Variants in GPHN observed in about 807,000 individuals in gnomAD.
GPHN encodes the protein gephyrin.
GPHN carries 17 observed loss-of-function variants against 95.5 expected under a neutral mutation model. That is an observed-to-expected ratio of 0.18 (90% CI 0.12 to 0.27). The LOEUF (loss-of-function observed/expected upper bound fraction) is 0.27, where lower values mean the gene tolerates loss of function less well. GPHN is among the 10% of genes least tolerant of loss of function. The pLI is 1.00. For missense variants in GPHN, 660 were observed against 978.1 expected (o/e 0.67, Z 4.34); for synonymous variants, 320 against 322.5 (o/e 0.99, Z 0.08).
rs2058071848 is a variant in GPHN, at chr14:66,512,369, G to A, written c.64+3778G>A. On this transcript the variant is annotated intron_variant, in intron 1 of 22. Transcript: ENST00000478722. ...AAAATAATGACTACATGTATGTATA[G>A]AATGTAGAATCATATAGATTATTCC... Among the ~76,000 whole-genome samples the A allele has an allele frequency of 2.6e-5, 4 of 151,898 alleles. No homozygotes were observed. The South Asian group carries it at 6.2e-4, about 24-fold the overall frequency.
the GPHN span, among the ~76,000 whole-genome samples, chr14:67,497,783 C>T: frequency 6.6e-6 from 1 of 151,602 alleles, no homozygotes; most frequent in African/African-American, 2.4e-5. Flanking sequence ...CCAGCAGCAC[C>T]TCTCCTGGTA....
chr14:67,015,706 A>G (rs2073268740), intron 9 of GPHN, among the ~76,000 whole-genome samples: 1 of 152,146 alleles, frequency 6.6e-6, no homozygotes, highest in African/African-American at 2.4e-5. Flanking sequence ...GGGGAAAAAA[A>G]ATACAAATAA....
At chr14:67,063,077 C>A (rs1194716460) in intron 11 of GPHN, among the ~76,000 whole-genome samples, 1 of 152,054 alleles carries the variant, frequency 6.6e-6, no homozygotes, top group Non-Finnish European at 1.5e-5. Flanking sequence ...GTCTTTAATC[C>A]ATCTTGAATT....
the GPHN span, among the ~76,000 whole-genome samples, chr14:67,710,604 T>A: frequency 6.6e-6 from 1 of 152,068 alleles, no homozygotes; most frequent in African/African-American, 2.4e-5. Flanking sequence ...AAAAAAATCT[T>A]TATTTTTATA....
At chr14:67,612,698 A>C in the GPHN span, among the ~76,000 whole-genome samples, 5 of 152,208 alleles carry the variant, frequency 3.3e-5, no homozygotes, top group African/African-American at 1.2e-4. Context: ...GCACTTTGGG[A>C]GGCCAAGGTG....
chr14:67,144,002 T>G (rs1441557233), intron 18 of GPHN, among the ~76,000 whole-genome samples: 2 of 151,300 alleles, frequency 1.3e-5, no homozygotes, highest in Non-Finnish European at 2.9e-5. Context: ...TTTGGGAGGC[T>G]GAGGTGGGTA....
chr14:66,966,391 A>G (rs1226005480), intron 9 of GPHN, among the ~76,000 whole-genome samples: 3 of 152,036 alleles, frequency 2.0e-5, no homozygotes, highest in Admixed American at 6.6e-5. Flanking sequence ...TTTTAGATAT[A>G]TGTCAAAAAA....
the GPHN span, chr14:67,321,273 T>C: frequency 6.2e-7 from 1 of 1,613,028 alleles, no homozygotes; most frequent in Middle Eastern, 1.7e-4. Context: ...AAGCTAGAAC[T>C]TTGTTTTAGG....
At chr14:66,703,947 C>T (rs1197505580) in intron 2 of GPHN, among the ~76,000 whole-genome samples, 1 of 133,234 alleles carries the variant, frequency 7.5e-6, no homozygotes, top group Non-Finnish European at 1.6e-5. Flanking sequence ...GAAAATACAC[C>T]AAGCAAATGG....
At chr14:66,573,062 A>G (rs1361113066) in intron 1 of GPHN, among the ~76,000 whole-genome samples, 1 of 152,224 alleles carries the variant, frequency 6.6e-6, no homozygotes, top group Non-Finnish European at 1.5e-5. Flanking sequence ...GGAAATAATA[A>G]ATGATACCAT....
the GPHN span, chr14:67,269,961 T>A: frequency 6.6e-6 from 1 of 152,192 alleles, no homozygotes; most frequent in Non-Finnish European, 1.5e-5. Flanking sequence ...AGGATGAATT[T>A]AAAAAATTCT....
At chr14:66,978,377 A>G (rs1359752619) in intron 9 of GPHN, among the ~76,000 whole-genome samples, 2 of 152,162 alleles carry the variant, frequency 1.3e-5, no homozygotes, top group African/African-American at 2.4e-5. Flanking sequence ...AATTGGAGTC[A>G]ATCCTCTCAA....
intron 5 of GPHN, among the ~76,000 whole-genome samples, chr14:66,911,252 T>A (rs923496765): frequency 6.6e-6 from 1 of 151,884 alleles, no homozygotes. Context: ...AGTGAATGCC[T>A]AGGGCTGGGA....
chr14:67,612,940 CAAAA>C, the GPHN span, among the ~76,000 whole-genome samples: 1 of 143,144 alleles, frequency 7.0e-6, no homozygotes. Context: ...GACTCTGTCT[CAAAA>C]AAAAAAAAGA....
the GPHN span, among the ~76,000 whole-genome samples, chr14:67,226,759 C>A: frequency 2.6e-5 from 4 of 152,128 alleles, no homozygotes; most frequent in Non-Finnish European, 5.9e-5. Context: ...AACAAATGTC[C>A]ACACTCCATA....
the GPHN span, among the ~76,000 whole-genome samples, chr14:67,278,263 C>T: frequency 6.6e-5 from 10 of 151,878 alleles, no homozygotes; most frequent in Admixed American, 3.3e-4. Context: ...CTCGAACTCC[C>T]GACCTCAGGT....
At chr14:67,232,638 C>T in the GPHN span, among the ~76,000 whole-genome samples, 4 of 152,210 alleles carry the variant, frequency 2.6e-5, no homozygotes, top group Non-Finnish European at 4.4e-5. Context: ...GTTGACTAAA[C>T]TGCTGAACAC....
intron 2 of GPHN, among the ~76,000 whole-genome samples, chr14:66,759,494 T>C (rs1327596007): frequency 6.6e-6 from 1 of 152,240 alleles, no homozygotes; most frequent in African/African-American, 2.4e-5. Flanking sequence ...TTACCATAAG[T>C]TAAACATACT....
the GPHN span, among the ~76,000 whole-genome samples, chr14:67,550,238 G>A: frequency 2.0e-5 from 3 of 151,348 alleles, no homozygotes; most frequent in Non-Finnish European, 4.4e-5. Flanking sequence ...GCCCAAGCTG[G>A]AGTGCAGTGG....
Sources: gnomAD v4.1 joint callset for allele counts (sites outside exome capture counted in the v4.1 genomes callset) on GRCh38, gnomAD v4.1.1 for gene constraint, MANE v1.5 for transcripts, NCBI Gene and HGNC (gene_info 2026-07-23, HGNC 2026-07-21) for gene names.